TMEM39B: variants seen among roughly 807,000 people sequenced by gnomAD.
TMEM39B encodes the protein transmembrane protein 39B.
TMEM39B carries 23 observed loss-of-function variants against 52.2 expected under a neutral mutation model. That is an observed-to-expected ratio of 0.44 (90% confidence interval 0.32 to 0.62). The LOEUF is 0.62. Among genes scored for constraint, TMEM39B ranks in the 20% least tolerant of loss-of-function variants. TMEM39B has a pLI of 0.06. For missense variants in TMEM39B, 547 were observed against 642.0 expected (o/e 0.85, Z 1.60); for synonymous variants, 285 against 264.0 (o/e 1.08, Z -0.77).
chr1:32,075,868 G>A, intron 3 of TMEM39B, 46 bp downstream of exon 3: 1 of 1,208,014 alleles, frequency 8.3e-7, no homozygotes, highest in East Asian at 2.6e-5. Flanking sequence ...GTGTGTGCGT[G>A]TGTGTGTATG....
intron 5 of TMEM39B, among the ~76,000 whole-genome samples, chr1:32,088,232 T>C (rs1006717907): frequency 2.0e-5 from 3 of 148,876 alleles, no homozygotes; most frequent in Admixed American, 6.8e-5. Flanking sequence ...TTGGCTAACA[T>C]GGTGAAACCC....
chr1:32,082,222 G>T (rs1247670877), intron 5 of TMEM39B, among the ~76,000 whole-genome samples: 1 of 151,790 alleles, frequency 6.6e-6, no homozygotes, highest in African/African-American at 2.4e-5. Flanking sequence ...CCTGGCAGCT[G>T]TATTTTTACT....
chr1:32,073,806 G>C, intron 1 of TMEM39B: 1 of 985,406 alleles, frequency 1.0e-6, no homozygotes, highest in Non-Finnish European at 1.2e-6. Flanking sequence ...TGTGGGAAAC[G>C]CTTCCGAGCT....
upstream of TMEM39B, chr1:32,072,803 C>G: frequency 1.9e-6 from 1 of 537,814 alleles, no homozygotes; most frequent in Non-Finnish European, 3.3e-6. Flanking sequence ...CCAGCAGCTG[C>G]AGGAAGGGCG....
intron 3 of TMEM39B, 178 bp downstream of exon 3, chr1:32,076,000 C>A: frequency 2.0e-6 from 1 of 507,216 alleles, no homozygotes; most frequent in Non-Finnish European, 3.5e-6. Flanking sequence ...ACTGAATACT[C>A]CTAGTGTGTT....
intron 8 of TMEM39B, among the ~76,000 whole-genome samples, chr1:32,101,025 A>G (rs1641001251): frequency 6.6e-6 from 1 of 152,128 alleles, no homozygotes; most frequent in Middle Eastern, 3.2e-3. Flanking sequence ...AGCAAGACTC[A>G]TTCTCAAAAA....
At chr1:32,093,806 TTTTTGTTTTG>T (rs528545796) in intron 6 of TMEM39B, among the ~76,000 whole-genome samples, 29 of 151,380 alleles carry the variant, frequency 1.9e-4, no homozygotes, top group Admixed American at 1.2e-3. Flanking sequence ...GGTTGCTTTT[TTTTTGTTTTG>T]TTTTGTTTTG....
At chr1:32,073,123 G>GCTGCT in intron 1 of TMEM39B, 72 bp downstream of exon 1, 1 of 1,371,496 alleles carries the variant, frequency 7.3e-7, no homozygotes. Flanking sequence ...GCTGCTAATT[G>GCTGCT]CTGCTCCACG....
At chr1:32,078,416 G>C (rs769237733) in intron 5 of TMEM39B, among the ~76,000 whole-genome samples, 2 of 151,914 alleles carry the variant, frequency 1.3e-5, no homozygotes, top group African/African-American at 4.8e-5. Flanking sequence ...TCAGGAGGTC[G>C]AGGCTGCAGT....
chr1:32,072,805 G>C, upstream of TMEM39B: 1 of 538,668 alleles, frequency 1.9e-6, no homozygotes, highest in Non-Finnish European at 3.3e-6. Context: ...AGCAGCTGCA[G>C]GAAGGGCGTG....
At chr1:32,096,077 A>G (rs143844113) in intron 7 of TMEM39B, among the ~76,000 whole-genome samples, 2 of 152,162 alleles carry the variant, frequency 1.3e-5, no homozygotes, top group East Asian at 3.9e-4. Flanking sequence ...CCATGCCCCA[A>G]CCCATCCTCT....
chr1:32,073,497 T>G (rs989905139), intron 1 of TMEM39B: 1 of 996,518 alleles, frequency 1.0e-6, no homozygotes. Flanking sequence ...CTGAGAGGGC[T>G]TTTATTGGCT....
intron 5 of TMEM39B, among the ~76,000 whole-genome samples, chr1:32,082,032 T>C (rs1640119848): frequency 6.6e-6 from 1 of 152,180 alleles, no homozygotes; most frequent in Non-Finnish European, 1.5e-5. Context: ...TCCTTACTGT[T>C]CCCAGTAATT....
In TMEM39B at chr1:32,091,719, G is replaced by T; in HGVS notation, c.635G>T (p.Arg212Leu). ...TTCCTGCAGCTGAATTGCGACCTCC[G>T]CAAGACAAGCCTCTTCAACCACATG... Reference protein sequence around the residue: ...IPFLQLNCDLRKTSLFNHMAS... With the variant: ...IPFLQLNCDLLKTSLFNHMAS... The change falls in exon 6 of 9, where the codon CGC becomes CTC. Residue 212 changes from arginine (R) to leucine (L), a missense_variant. Transcript: ENST00000336294. 6.2e-7 allele frequency: 1 copy of T among 1,613,508 alleles called. No individual in the cohort carries two copies. The highest frequency in any genetic ancestry group is 8.5e-7 in the Non-Finnish European group (1 of 1,179,658).
At chr1:32,073,938 CGGGTTTCGCCATGTTGCCCA>C (rs1639748026) in intron 1 of TMEM39B, 1 of 967,910 alleles carries the variant, frequency 1.0e-6, no homozygotes, top group Non-Finnish European at 1.2e-6. Flanking sequence ...TAATAGAGAC[CGGGTTTCGCCATGTTGCCCA>C]GGCTGGTCTC....
chr1:32,096,581 C>T (rs1380831876), intron 7 of TMEM39B, among the ~76,000 whole-genome samples: 1 of 151,226 alleles, frequency 6.6e-6, no homozygotes, highest in East Asian at 2.0e-4. Flanking sequence ...TGCCTCGGGC[C>T]TCCCAAGTAG....
intron 6 of TMEM39B, among the ~76,000 whole-genome samples, chr1:32,093,131 C>A (rs1640672557): frequency 6.6e-6 from 1 of 152,006 alleles, no homozygotes; most frequent in Non-Finnish European, 1.5e-5. Context: ...CGGAGTCTCG[C>A]TCTGTCGCCC....
Position 32,091,730 on chromosome 1 carries a change from C to G in TMEM39B, c.646C>G (p.Leu216Val). 1 of 1,614,094 alleles carries G rather than the reference C, an allele frequency of 6.2e-7. No individual in the cohort carries two copies. Among genetic ancestry groups the G allele is most frequent in the Non-Finnish European group, 8.5e-7 (1 of 1,179,962 alleles). The change falls in exon 6 of 9, where the codon CTC becomes GTC. Residue 216 changes from leucine to valine, a missense_variant. Transcript: ENST00000336294. ...QLNCDLRKTSLFNHMASMGPR... is the reference protein window; with the variant it reads ...QLNCDLRKTSVFNHMASMGPR... The stretch of plus-strand genomic sequence containing the variant: ...GAATTGCGACCTCCGCAAGACAAGC[C>G]TCTTCAACCACATGGCCTCCATGGG...
chr1:32,074,881 T>C, intron 1 of TMEM39B, 70 bp from the exon 2 acceptor site: 1 of 1,473,434 alleles, frequency 6.8e-7, no homozygotes, highest in Non-Finnish European at 9.1e-7. Flanking sequence ...GACTGGCAGC[T>C]GGTATCATTG....
Sources: allele counts gnomAD v4.1 joint callset (sites outside exome capture counted in the v4.1 genomes callset), GRCh38; gene constraint gnomAD v4.1.1; transcripts MANE v1.5; gene names NCBI Gene and HGNC (gene_info 2026-07-23, HGNC 2026-07-21).